CROCC2: variants seen among roughly 807,000 people sequenced by gnomAD.
The protein encoded by CROCC2 is ciliary rootlet coiled-coil protein 2.
Under a neutral mutation model 177.6 loss-of-function variants are expected in CROCC2, and 163 were observed. The ratio of observed to expected loss-of-function variants is 0.92; its 90% CI spans 0.81 to 1.05. CROCC2 has a LOEUF of 1.05. Among genes scored for constraint, CROCC2 ranks in the 50% least tolerant of loss-of-function variants. The pLI, the probability that CROCC2 is intolerant of heterozygous loss-of-function variation, is 0.00. For missense variants in CROCC2, 1,929 were observed against 1,797.8 expected, an observed-to-expected ratio of 1.07 and a Z score of -1.32; for synonymous variants, 904 against 787.3, an observed-to-expected ratio of 1.15 and a Z score of -2.48.
At position 240,950,529 on chromosome 2, in the gene CROCC2, G is replaced by A. The variant is rs1269633058; in HGVS notation, c.2829+19G>A. On this transcript the variant is annotated intron_variant, in intron 18 of 31. Coordinates refer to ENST00000690015, the MANE Select transcript of CROCC2 (RefSeq NM_001351305.2). ...GCAACAGGTGATGGTGAGGCTGGGG[G>A]GCAGCGGGATTGCTCACACCCACTG... 1 of 1,540,710 alleles carries A rather than the reference G, an allele frequency of 6.5e-7. No individual in the cohort carries two copies. Among genetic ancestry groups the A allele is most frequent in the South Asian group, 1.2e-5 (1 of 82,346 alleles).
intron 3 of CROCC2, among the ~76,000 whole-genome samples, chr2:240,921,219 C>T (rs1051974766): frequency 1.3e-5 from 2 of 152,182 alleles, no homozygotes; most frequent in Non-Finnish European, 2.9e-5. Context: ...AGCCCCACAG[C>T]GGTGCCCTCA....
rs767578305 is a variant in CROCC2 at position 240,917,572 on chromosome 2, G to A, written c.79-1154G>A. Among the ~76,000 whole-genome samples the A allele has an allele frequency of 6.6e-6, 1 of 152,130 alleles. No homozygotes were observed. The highest frequency in any genetic ancestry group is 1.5e-5 in the Non-Finnish European group (1 of 68,012). On this transcript the variant is annotated intron_variant, in intron 1 of 31. Transcript: ENST00000690015. This position sits in a 1 kb window ranked among gnomAD's most constrained non-coding sequence, Gnocchi z 4.9. Reference sequence around the variant, plus strand: ...GAGGAAAATCCAGGAGGCACAAGGTGGGGGAGCTGCCCTGCGGACCCCAGG... The same window carrying A: ...GAGGAAAATCCAGGAGGCACAAGGTAGGGGAGCTGCCCTGCGGACCCCAGG...
chr2:240,959,748 C>A, intron 20 of CROCC2: 1 of 257,964 alleles, frequency 3.9e-6, no homozygotes, highest in Non-Finnish European at 7.3e-6. Context: ...ATTTCTAAGC[C>A]TCCTGAAGGG....
chr2:240,910,282 C>G (rs1409479595), intron 1 of CROCC2, among the ~76,000 whole-genome samples: 1 of 144,740 alleles, frequency 6.9e-6, no homozygotes, highest in Non-Finnish European at 1.5e-5. Context: ...GCACCCAGAC[C>G]CGCAGCTGAT....
intron 27 of CROCC2, among the ~76,000 whole-genome samples, chr2:240,970,586 A>C (rs2059713613): frequency 6.6e-6 from 1 of 152,174 alleles, no homozygotes; most frequent in African/African-American, 2.4e-5. Flanking sequence ...CCAGGGGCCG[A>C]GGGTCTTGTC....
intron 1 of CROCC2, among the ~76,000 whole-genome samples, chr2:240,914,030 C>T (rs374076141): frequency 2.6e-5 from 4 of 152,360 alleles, no homozygotes; most frequent in East Asian, 3.9e-4. Context: ...AGGCAGCAGC[C>T]GCAGCATGGC....
intron 26 of CROCC2, 99 bp from the exon 27 acceptor site, chr2:240,968,030 C>A (rs975134591): frequency 2.4e-6 from 3 of 1,239,954 alleles, no homozygotes; most frequent in Non-Finnish European, 3.1e-6. Flanking sequence ...CCCACCTCCA[C>A]GTGGGAGCCA....
rs923787052 is a variant in CROCC2, at chr2:240,935,397, ACT to A, written c.1981_1982del (p.Leu661GlyfsTer100). The A allele has an allele frequency of 2.2e-6, 3 of 1,366,590 alleles. No homozygotes were observed. In the East Asian group the frequency reaches 8.8e-5, roughly 40 times the overall value. 84.7% of individuals were successfully genotyped at this position (1,366,590 alleles called of 1,614,324 possible). A position where few individuals can be genotyped will look rare whatever the true frequency, so the allele number is the denominator to read the frequency against. On this transcript the variant is annotated frameshift_variant, in exon 14 of 32. Coordinates refer to ENST00000690015, the MANE Select transcript of CROCC2 (RefSeq NM_001351305.2). LOFTEE classifies it high-confidence loss of function. Reference sequence around the variant, plus strand: ...GGACCAGCTGCGGGAACAGCGGAAGACTCTGGAGCAGGAACGGGCCCGGGCCG... The same window carrying A: ...GGACCAGCTGCGGGAACAGCGGAAGACTGGAGCAGGAACGGGCCCGGGCCG... The part of the protein sequence containing the change: ...ERDQLREQRK[T>X]LEQERARAGE...
intron 27 of CROCC2, among the ~76,000 whole-genome samples, chr2:240,975,793 G>A (rs1367681502): frequency 6.2e-5 from 9 of 144,076 alleles, no homozygotes; most frequent in East Asian, 4.2e-4. Flanking sequence ...GCAGTGGCAC[G>A]GTCTTGGTTC....
chr2:240,984,822 A>G (rs375196118), intron 28 of CROCC2, among the ~76,000 whole-genome samples: 1 of 4,088 alleles, frequency 2.4e-4, no homozygotes, highest in Non-Finnish European at 3.3e-4. Context: ...CAGGCACTCA[A>G]TCCACACACA....
intron 28 of CROCC2, among the ~76,000 whole-genome samples, chr2:240,987,801 G>T (rs907148393): frequency 5.3e-5 from 8 of 152,260 alleles, no homozygotes; most frequent in African/African-American, 1.9e-4. Flanking sequence ...CCTCGGGGCT[G>T]GGCACGGCAG....
At chr2:240,916,237 C>T (rs1008123101) in intron 1 of CROCC2, among the ~76,000 whole-genome samples, 2 of 152,008 alleles carry the variant, frequency 1.3e-5, no homozygotes, top group Admixed American at 1.3e-4. Flanking sequence ...CCTTCCTTCC[C>T]CTCCTCTCCC....
chr2:240,927,050 C>A (rs1333021045), intron 5 of CROCC2, among the ~76,000 whole-genome samples: 1 of 152,196 alleles, frequency 6.6e-6, no homozygotes, highest in African/African-American at 2.4e-5. Context: ...CTTTATTTTC[C>A]CTTTGTCCTT....
intron 28 of CROCC2, 33 bp downstream of exon 28, chr2:240,983,062 C>T (rs2059812418): frequency 1.3e-6 from 2 of 1,541,488 alleles, no homozygotes; most frequent in Non-Finnish European, 1.8e-6. Flanking sequence ...GGTACGCTGT[C>T]ACCAGGAGGC....
At chr2:240,975,352 T>C (rs919381297) in intron 27 of CROCC2, among the ~76,000 whole-genome samples, 2 of 152,208 alleles carry the variant, frequency 1.3e-5, no homozygotes, top group Admixed American at 6.5e-5. Context: ...AATCCCCTTG[T>C]ATCTGAGGAC....
intron 5 of CROCC2, among the ~76,000 whole-genome samples, chr2:240,928,551 A>G (rs1480775056): frequency 6.6e-6 from 1 of 152,140 alleles, no homozygotes; most frequent in Admixed American, 6.5e-5. Context: ...TGCATTCAGG[A>G]AGAGGCTGTG....
intron 1 of CROCC2, among the ~76,000 whole-genome samples, chr2:240,909,350 GCTCTACCTCCTCCACCTCAGGTGAC>G (rs1559585720): frequency 6.7e-6 from 1 of 150,178 alleles, no homozygotes; most frequent in Admixed American, 6.6e-5. Flanking sequence ...CCTGGGGTGA[GCTCTACCTCCTCCACCTCAGGTGAC>G]CTCTACCTCC....
At chr2:240,942,143 T>A (rs1197755811) in intron 14 of CROCC2, among the ~76,000 whole-genome samples, 1 of 152,254 alleles carries the variant, frequency 6.6e-6, no homozygotes, top group African/African-American at 2.4e-5. Flanking sequence ...CAGTCTCAGG[T>A]ACTTTGTTAT....
At chr2:240,911,067 G>A (rs1053015592) in intron 1 of CROCC2, among the ~76,000 whole-genome samples, 9 of 152,042 alleles carry the variant, frequency 5.9e-5, no homozygotes, top group Non-Finnish European at 1.2e-4. Flanking sequence ...GGAGGTGGAG[G>A]TAACAGTGAG....
Sources: allele counts gnomAD v4.1 joint callset (sites outside exome capture counted in the v4.1 genomes callset), GRCh38; gene constraint gnomAD v4.1.1; non-coding constraint Gnocchi (gnomAD v3.1); transcripts MANE v1.5; gene names NCBI Gene and HGNC (gene_info 2026-07-23, HGNC 2026-07-21).